RBBP7: variants seen among roughly 807,000 people sequenced by gnomAD.
RBBP7 encodes the protein RB binding protein 7, chromatin remodeling factor, also known as histone-binding protein RBBP7.
Under a neutral mutation model 35.2 loss-of-function variants are expected in RBBP7, and 5 were observed. That is an observed-to-expected ratio of 0.14 (90% CI 0.07 to 0.30). RBBP7 has a LOEUF of 0.30. RBBP7 is among the 10% of genes least tolerant of loss of function. The pLI, the probability that RBBP7 is intolerant of heterozygous loss-of-function variation, is 1.00. For synonymous variants in RBBP7, 140 were observed against 118.7 expected, an observed-to-expected ratio of 1.18 and a Z score of -1.17; for missense variants, 155 against 327.5, an observed-to-expected ratio of 0.47 and a Z score of 4.07.
Position 16,853,676 on chromosome X carries a change from C to T in RBBP7, c.758+6G>A. On this transcript the variant is annotated splice_donor_region_variant and intron_variant, in intron 6 of 11. Coordinates refer to ENST00000380087, the MANE Select transcript of RBBP7 (RefSeq NM_002893.4). ...TAACAAGATCCCACTGAATTTTCCA[C>T]CTTACATCATAAGTTTCTGATCATC... 1 of 1,125,071 alleles carries T rather than the reference C, an allele frequency of 8.9e-7. No homozygotes were observed. The highest frequency in any genetic ancestry group is 1.2e-6 in the Non-Finnish European group (1 of 851,712). 92.7% of individuals were successfully genotyped at this position (1,125,071 alleles called of 1,213,427 possible).
intron 10 of RBBP7, chrX:16,846,757 T>C (rs1162242321): frequency 8.9e-6 from 1 of 112,526 alleles, no homozygotes; most frequent in East Asian, 2.8e-4. Context: ...GATTTGACTC[T>C]AGTTTGACAA....
chrX:16,852,369 A>G (rs763824831), intron 8 of RBBP7, 182 bp downstream of exon 8: 6 of 578,883 alleles, frequency 1.0e-5, no homozygotes, highest in Non-Finnish European at 1.7e-5. Flanking sequence ...ATTCGACCCC[A>G]TAACCATCCC....
intron 3 of RBBP7, among the ~76,000 whole-genome samples, chrX:16,860,588 C>A (rs1282464729): frequency 5.6e-5 from 6 of 106,703 alleles, no homozygotes; most frequent in African/African-American, 2.1e-4. Context: ...CTCGGGAAAT[C>A]GCTTGAACCC....
intron 10 of RBBP7, 107 bp downstream of exon 10, chrX:16,849,137 C>A: frequency 1.3e-6 from 1 of 743,811 alleles, no homozygotes; most frequent in Non-Finnish European, 1.9e-6. Flanking sequence ...ATTTTGAAAC[C>A]ATCTGCAAGA....
chrX:16,869,484 C>G lies in RBBP7; in HGVS notation c.17-264G>C, dbSNP rs768887554. The G allele has an allele frequency of 1.0e-5, 12 of 1,163,890 alleles. No homozygotes were observed. The South Asian group carries it at 2.1e-4, about 20-fold the overall frequency. ...ATGGAAATTGTTTACCCTGTTACAG[C>G]TGTTCGCACCTGTTCTAAGATGACG... On this transcript the variant is annotated intron_variant, in intron 1 of 11. Transcript: ENST00000380087.
intron 3 of RBBP7, among the ~76,000 whole-genome samples, chrX:16,861,134 A>G (rs1930467903): frequency 8.9e-6 from 1 of 112,130 alleles, no homozygotes; most frequent in African/African-American, 3.2e-5. Flanking sequence ...AGATTGCACC[A>G]CTGCACTCCA....
chrX:16,861,706 G>A (rs373673410), intron 3 of RBBP7, among the ~76,000 whole-genome samples: 2 of 111,573 alleles, frequency 1.8e-5, no homozygotes, highest in Non-Finnish European at 3.8e-5. Flanking sequence ...TGCTAATAGC[G>A]TTAAGCCATT....
intron 10 of RBBP7, chrX:16,847,101 C>T (rs1930097996): frequency 9.1e-6 from 1 of 110,108 alleles, no homozygotes; most frequent in African/African-American, 3.3e-5. Flanking sequence ...TGCACTCCAG[C>T]CTGGGTGACA....
chrX:16,851,836 T>TC (rs1412981210), intron 9 of RBBP7, among the ~76,000 whole-genome samples: 1 of 112,510 alleles, frequency 8.9e-6, no homozygotes, highest in East Asian at 2.8e-4. Flanking sequence ...GAGACAAAAC[T>TC]CACACTAGAG....
At chrX:16,845,735 G>T in intron 11 of RBBP7, 93 bp downstream of exon 11, 1 of 1,101,935 alleles carries the variant, frequency 9.1e-7, no homozygotes, top group Non-Finnish European at 1.2e-6. Flanking sequence ...GGCATAATAT[G>T]CACCTACATA....
intron 3 of RBBP7, among the ~76,000 whole-genome samples, chrX:16,859,446 G>A (rs1229931250): frequency 8.9e-6 from 1 of 111,889 alleles, no homozygotes. Flanking sequence ...TCTGGTGTGT[G>A]AATAAGACTA....
chrX:16,846,448 TGA>T (rs1192179311), intron 10 of RBBP7: 2 of 111,871 alleles, frequency 1.8e-5, no homozygotes, highest in East Asian at 2.8e-4. Context: ...TCCACTTTAC[TGA>T]GAGAGGCATA....
In RBBP7 at chrX:16,870,050, C is replaced by T; in HGVS notation, c.4G>A (p.Ala2Thr). 1 of 1,075,812 alleles carries T rather than the reference C, an allele frequency of 9.3e-7. No individual in the cohort carries two copies. The highest frequency in any genetic ancestry group is 1.2e-6 in the Non-Finnish European group (1 of 817,388). 88.7% of individuals were successfully genotyped at this position (1,075,812 alleles called of 1,213,427 possible). The change falls in exon 1 of 12, where the codon GCG becomes ACG. Residue 2 changes from alanine (A) to threonine (T), a missense_variant. Ala to Thr is a moderately conservative substitution (Grantham distance 58, BLOSUM62 0). This residue lies in a region of RBBP7 where 59 missense variants were observed against 90.4 expected (regional missense o/e 0.65). Transcript: ENST00000380087. ...CAGGGCCTCTTACTCTCTTTACTCG[C>T]CATCTTGCGTCGGGTCGTTCGCCCC... is the stretch of plus-strand genomic sequence containing the variant. M[A>T]SKEMFEDTVE... is the part of the protein sequence containing the mutation.
At chrX:16,865,360 G>A (rs1930589459) in intron 2 of RBBP7, among the ~76,000 whole-genome samples, 1 of 112,114 alleles carries the variant, frequency 8.9e-6, no homozygotes, top group Non-Finnish European at 1.9e-5. Context: ...CTTGTTTTTT[G>A]TGGAGTTGAG....
At position 16,870,314 on chromosome X, in the gene RBBP7, C is replaced by T. The variant is rs1930757624; in HGVS notation, c.-261G>A. On this transcript the variant is annotated 5_prime_UTR_variant, in exon 1 of 12. It introduces an in-frame stop codon into an upstream open reading frame of the 5' UTR. Transcript: ENST00000380087. Reference sequence around the variant, plus strand: ...AACGAGACTTTTCAACCCGCGCCTCCCAGCCCGCCCAGGCAGCTGAGCGCA... The same window carrying T: ...AACGAGACTTTTCAACCCGCGCCTCTCAGCCCGCCCAGGCAGCTGAGCGCA... The T allele has an allele frequency of 9.2e-6, 2 of 217,463 alleles. No individual in the cohort carries two copies. The highest frequency in any genetic ancestry group is 1.5e-5 in the Non-Finnish European group (2 of 135,929). 17.9% of individuals were successfully genotyped at this position (217,463 alleles called of 1,213,427 possible).
chrX:16,844,698 A>G lies in RBBP7; in HGVS notation c.*337T>C. ...GCAAAGCCAATCAAGAAGTGTTGGA[A>G]GGAAAAAGTGTAAAAGTTATTCTTG... is the stretch of plus-strand genomic sequence containing the variant. On this transcript the variant is annotated 3_prime_UTR_variant, in exon 12 of 12. Transcript: ENST00000380087. The G allele has an allele frequency of 7.2e-6, 1 of 138,672 alleles. No individual in the cohort carries two copies. The highest frequency in any genetic ancestry group is 1.7e-4 in the East Asian group (1 of 5,761). The allele number at this position is 138,672 out of a possible 1,213,427, so 11.4% of individuals were successfully genotyped here.
intron 2 of RBBP7, among the ~76,000 whole-genome samples, chrX:16,864,687 C>A (rs1930565803): frequency 9.2e-6 from 1 of 109,289 alleles, no homozygotes; most frequent in Non-Finnish European, 1.9e-5. Flanking sequence ...AGCACATGTG[C>A]CCCCCACCCC....
rs1212930639 is a variant in RBBP7 at position 16,868,639 on chromosome X, C to T, written c.161+437G>A. 2.7e-5 allele frequency among the ~76,000 whole-genome samples: 3 copies of T among 112,496 alleles called. No individual in the cohort carries two copies. In the East Asian group the frequency reaches 8.3e-4, roughly 31 times the overall value. Reference sequence around the variant, plus strand: ...GGTCAATTGTTGACAAGGTCTTTTTCCCTTTACCAATTAAAATGTATTTAT... The same window carrying T: ...GGTCAATTGTTGACAAGGTCTTTTTTCCTTTACCAATTAAAATGTATTTAT... On this transcript the variant is annotated intron_variant, in intron 2 of 11. Coordinates refer to ENST00000380087, the MANE Select transcript of RBBP7 (RefSeq NM_002893.4).
At chrX:16,846,318 A>G (rs1602413113) in intron 10 of RBBP7, 1 of 125,271 alleles carries the variant, frequency 8.0e-6, no homozygotes, top group East Asian at 2.3e-4. Flanking sequence ...ACATTAATCC[A>G]GCATCATTTG....
Sources: allele counts gnomAD v4.1 joint callset (sites outside exome capture counted in the v4.1 genomes callset), GRCh38; gene constraint gnomAD v4.1.1; regional missense constraint gnomAD v4.1.1; transcripts MANE v1.5; gene names NCBI Gene and HGNC (gene_info 2026-07-23, HGNC 2026-07-21).